ABCA2: variants seen among roughly 807,000 people sequenced by gnomAD.
ABCA2 encodes ATP-binding cassette sub-family A member 2.
A neutral mutation model predicts 262.8 loss-of-function variants in ABCA2; 84 were observed. The observed-to-expected ratio is 0.32, with a 90% CI of 0.27 to 0.38. The LOEUF (loss-of-function observed/expected upper bound fraction) is 0.38. Ranked by LOEUF, ABCA2 falls within the 10% of genes least tolerant of loss-of-function variation. ABCA2 has a pLI of 1.00. For missense variants in ABCA2, 2,662 were observed against 3,405.9 expected (o/e 0.78, Z 5.44); for synonymous variants, 1,696 against 1,502.9 (o/e 1.13, Z -2.97).
intron 27 of ABCA2, 22 bp from the exon 28 acceptor site, chr9:137,014,060 G>A: frequency 1.2e-6 from 2 of 1,606,830 alleles, no homozygotes; most frequent in Non-Finnish European, 1.7e-6. Flanking sequence ...GGTAGAGGCT[G>A]AGCAGGTGGT....
intron 45 of ABCA2, 151 bp downstream of exon 45, chr9:137,009,219 C>A: frequency 1.2e-6 from 1 of 847,890 alleles, no homozygotes; most frequent in South Asian, 1.7e-5. Context: ...CTCCCCTGGC[C>A]CCACTGCCCC....
chr9:137,009,782 G>T lies in ABCA2; in HGVS notation c.6617C>A (p.Ala2206Asp). 1 of 1,611,766 alleles carries T rather than the reference G, an allele frequency of 6.2e-7. No individual in the cohort carries two copies. The highest frequency in any genetic ancestry group is 1.3e-5 in the African/African-American group (1 of 75,024). ...STAIALIGYPAFIFLDEPTTG... is the reference protein window; with the variant it reads ...STAIALIGYPDFIFLDEPTTG... ...CCCAGGACTTACCAGGAAGATGAAGGCTGGGTACCCAATGAGGGCGATGGC... is the reference window on the plus strand; with the variant it reads ...CCCAGGACTTACCAGGAAGATGAAGTCTGGGTACCCAATGAGGGCGATGGC... Residue 2206 changes from alanine to aspartate, a missense_variant, in exon 43 of 49, where the codon GCC becomes GAC. Physicochemically the swap from Ala to Asp is moderately radical, Grantham distance 126. Around this residue, in one of 12 missense-constraint regions of ABCA2, gnomAD observed 602 missense variants for 897.4 expected, o/e 0.67. Transcript: ENST00000341511.
chr9:137,019,480 T>C lies in ABCA2; in HGVS notation c.1426-174A>G. ...CTCAGTCACCCACGCTGGAGTGCAG[T>C]GGTGCAGTCCCAGCTCACTGCAGCC... On this transcript the variant is annotated intron_variant, in intron 10 of 48. Transcript: ENST00000341511. This position sits in a 1 kb window ranked among gnomAD's most constrained non-coding sequence, Gnocchi z 4.4. 1 of 702,194 alleles carries C rather than the reference T, an allele frequency of 1.4e-6. No homozygotes were observed. Among genetic ancestry groups the C allele is most frequent in the Non-Finnish European group, 2.3e-6 (1 of 438,954 alleles). 43.5% of individuals were successfully genotyped at this position (702,194 alleles called of 1,614,324 possible).
chr9:137,010,381 A>T lies in ABCA2; in HGVS notation c.6175-10T>A. 1 of 1,560,680 alleles carries T rather than the reference A, an allele frequency of 6.4e-7. No homozygotes were observed. The highest frequency in any genetic ancestry group is 8.7e-7 in the Non-Finnish European group (1 of 1,152,906). ...TCCGGGACTTGTAGACCTGGCCAGG[A>T]GCCTGCCCACTCAGCGGGGCATCCT... On this transcript the variant is annotated splice_polypyrimidine_tract_variant and intron_variant, in intron 40 of 48. Transcript: ENST00000341511.
upstream of ABCA2, chr9:137,028,418 C>T (rs1158070917): frequency 7.7e-6 from 3 of 390,604 alleles, no homozygotes; most frequent in Non-Finnish European, 1.0e-5. The surrounding 1 kb of genome is among the most constrained non-coding windows in gnomAD (Gnocchi z 6.9). Context: ...GGCCCGAGAC[C>T]CTGCGCGCGC....
intron 44 of ABCA2, 35 bp downstream of exon 44, chr9:137,009,506 G>A (rs1443515039): frequency 1.2e-6 from 2 of 1,611,992 alleles, no homozygotes; most frequent in African/African-American, 1.3e-5. Flanking sequence ...GTGCTGTGGG[G>A]TGGGGGCACA....
Position 137,015,086 on chromosome 9 carries a change from C to T in ABCA2, c.3709G>A (p.Ala1237Thr). ...GGGGCCCGACCTGGGGGGCTGGATG[C>T]CAGCCCTGGCTCTGTGGGGGACGTG... ...EPGGPQEPGL[A>T]SSPPGRAPLS... The change falls in exon 25 of 49, where the codon GCA (alanine) becomes ACA (threonine). Residue 1237 changes from alanine (A) to threonine (T), a missense_variant. By Grantham distance (58) the Ala-to-Thr change is moderately conservative. This residue lies in a region of ABCA2 where 297 missense variants were observed against 286.5 expected (regional missense o/e 1.04). Transcript: ENST00000341511. The T allele has an allele frequency of 1.9e-6, 3 of 1,589,616 alleles. No individual in the cohort carries two copies. Among genetic ancestry groups the T allele is most frequent in the Non-Finnish European group, 2.6e-6 (3 of 1,169,326 alleles).
rs370558699 is a variant in ABCA2, at chr9:137,008,779, G to A, written c.7020C>T (p.Gly2340=). ...QVFSKMEQVS[G]VLGIEDYSVS... The stretch of plus-strand genomic sequence containing the variant: ...CCGAGTAGTCCTCGATGCCCAGCAC[G>A]CCAGACACCTGCTCCATCTTGCTGA... Residue 2340 remains glycine (G), a synonymous_variant, in exon 47 of 49, where the codon GGC becomes GGT. Transcript: ENST00000341511. The A allele has an allele frequency of 4.0e-5, 64 of 1,599,058 alleles. No homozygotes were observed. The highest frequency in any genetic ancestry group is 1.7e-4 in the Middle Eastern group (1 of 6,050).
At chr9:137,024,569 C>T (rs1831586528) in intron 1 of ABCA2, among the ~76,000 whole-genome samples, 1 of 152,254 alleles carries the variant, frequency 6.6e-6, no homozygotes, top group African/African-American at 2.4e-5. Flanking sequence ...TCCCTCCCCA[C>T]CTCCAGGGCT....
In ABCA2 at chr9:137,016,979, A is replaced by C; in HGVS notation, c.2699T>G (p.Leu900Arg). 3 of 1,612,812 alleles carry C rather than the reference A, an allele frequency of 1.9e-6. No homozygotes were observed. Among genetic ancestry groups the C allele is most frequent in the Non-Finnish European group, 2.5e-6 (3 of 1,179,992 alleles). Reference protein sequence around the residue: ...DFNLLLAVTMLMVDAVVYGIL... With the variant: ...DFNLLLAVTMRMVDAVVYGIL... The stretch of plus-strand genomic sequence containing the variant: ...GCCATAGACCACGGCGTCCACCATC[A>C]GCATGGTGACAGCCAGGAGCAAGTT... The change falls in exon 19 of 49, where the codon CTG becomes CGG. Residue 900 changes from leucine (L) to arginine (R), a missense_variant. Leu to Arg is a moderately radical substitution (Grantham distance 102, BLOSUM62 -2). Coordinates refer to ENST00000341511, the MANE Select transcript of ABCA2 (RefSeq NM_001606.5).
Position 137,018,171 on chromosome 9 carries a change from T to G in ABCA2, c.1993+7A>C. Reference sequence around the variant, plus strand: ...CCTCCAGCCGGTCTTCCGGGCCTGCTCCTCACCCTGGATCCAGACGAAGCC... The same window carrying G: ...CCTCCAGCCGGTCTTCCGGGCCTGCGCCTCACCCTGGATCCAGACGAAGCC... On this transcript the variant is annotated splice_region_variant and intron_variant, in intron 14 of 48. Coordinates refer to ENST00000341511, the MANE Select transcript of ABCA2 (RefSeq NM_001606.5). The G allele has an allele frequency of 6.2e-7, 1 of 1,610,966 alleles. No individual in the cohort carries two copies. Among genetic ancestry groups the G allele is most frequent in the African/African-American group, 1.3e-5 (1 of 74,586 alleles).
At chr9:137,016,791 C>T (rs1336597855) in intron 19 of ABCA2, 53 bp from the exon 20 acceptor site, 3 of 1,539,732 alleles carry the variant, frequency 1.9e-6, no homozygotes, top group Non-Finnish European at 2.6e-6. Context: ...GGTGACCATC[C>T]ACCACGTGGG....
At chr9:137,027,053 C>T (rs569411073) in intron 1 of ABCA2, among the ~76,000 whole-genome samples, 3 of 152,348 alleles carry the variant, frequency 2.0e-5, no homozygotes, top group African/African-American at 4.8e-5. Context: ...TAAACAGGCA[C>T]GGACTGGTGC....
intron 46 of ABCA2, 32 bp from the exon 47 acceptor site, chr9:137,008,900 G>GCCCCCCCCCCCCCTAGCCCCCC (rs59031144): frequency 6.5e-7 from 1 of 1,535,814 alleles, no homozygotes; most frequent in African/African-American, 1.4e-5. Context: ...GCCTGGCAGC[G>GCCCCCCCCCCCCCTAGCCCCCC]CCCCCCCACC....
At position 137,015,489 on chromosome 9, in the gene ABCA2, A is replaced by G; in HGVS notation, c.3622T>C (p.Phe1208Leu). ...CCGTCGCCATAGGTGCCCTTGAGGA[A>G]GAGCGGGGAGCCGCAGCACTTGAGC... ...GKLKCCGSPL[F>L]LKGTYGDGYR... The change falls in exon 24 of 49, where the codon TTC (phenylalanine) becomes CTC (leucine). Residue 1208 changes from phenylalanine (F) to leucine (L), a missense_variant. This residue lies in a region of ABCA2 where 180 missense variants were observed against 307.3 expected (regional missense o/e 0.59). Coordinates refer to ENST00000341511, the MANE Select transcript of ABCA2 (RefSeq NM_001606.5). The G allele has an allele frequency of 6.2e-7, 1 of 1,610,248 alleles. No homozygotes were observed. Among genetic ancestry groups the G allele is most frequent in the South Asian group, 1.1e-5 (1 of 90,676 alleles).
chr9:137,008,157 G>C (rs1249318780), intron 48 of ABCA2, 193 bp from the exon 49 acceptor site: 11 of 825,108 alleles, frequency 1.3e-5, no homozygotes, highest in Non-Finnish European at 2.2e-5. Flanking sequence ...AGTCTACATC[G>C]GTCCCCTGTT....
chr9:137,020,204 G>A, intron 10 of ABCA2, 132 bp downstream of exon 10: 1 of 1,219,528 alleles, frequency 8.2e-7, no homozygotes, highest in Non-Finnish European at 1.2e-6. Flanking sequence ...CAGAGCCTGT[G>A]TCCCATCCGA....
At position 137,023,853 on chromosome 9, in the gene ABCA2, C is replaced by T. The variant is rs79501937; in HGVS notation, c.161-13G>A. 4.7e-6 allele frequency: 4 copies of T among 846,034 alleles called. No homozygotes were observed. Among genetic ancestry groups the T allele is most frequent in the Admixed American group, 3.7e-5 (2 of 54,444 alleles). 52.4% of individuals were successfully genotyped at this position (846,034 alleles called of 1,614,324 possible). On this transcript the variant is annotated splice_polypyrimidine_tract_variant and intron_variant, in intron 2 of 48. Coordinates refer to ENST00000341511, the MANE Select transcript of ABCA2 (RefSeq NM_001606.5). ...GCTCACTTACAGACTGCATGCCAGC[C>T]GAGGACAAGAGACCATGCGGGGAGG...
Position 137,028,223 on chromosome 9 carries a change from G to A in ABCA2, c.-83C>T. The A allele has an allele frequency of 1.0e-6, 1 of 978,436 alleles. No individual in the cohort carries two copies. Among genetic ancestry groups the A allele is most frequent in the East Asian group, 1.2e-4 (1 of 8,588 alleles). The allele number at this position is 978,436 out of a possible 1,614,324, so 60.6% of individuals were successfully genotyped here. A position where few individuals can be genotyped will look rare whatever the true frequency, so the allele number is the denominator to read the frequency against. On this transcript the variant is annotated 5_prime_UTR_variant, in exon 1 of 49. Transcript: ENST00000341511. This position sits in a 1 kb window ranked among gnomAD's most constrained non-coding sequence, Gnocchi z 6.9. ...GGGCCCCGCAGCCCGCCGCGCCGCTGGGCATCGCCCGCGCGGGGGCGGGGC... is the reference window on the plus strand; with the variant it reads ...GGGCCCCGCAGCCCGCCGCGCCGCTAGGCATCGCCCGCGCGGGGGCGGGGC...
Sources: allele counts gnomAD v4.1 joint callset (sites outside exome capture counted in the v4.1 genomes callset), GRCh38; gene constraint gnomAD v4.1.1; regional missense constraint gnomAD v4.1.1; non-coding constraint Gnocchi (gnomAD v3.1); transcripts MANE v1.5; gene names NCBI Gene and HGNC (gene_info 2026-07-23, HGNC 2026-07-21).